STXBP5: variants seen among roughly 807,000 people sequenced by gnomAD.
The protein encoded by STXBP5 is syntaxin binding protein 5.
STXBP5 carries 50 observed loss-of-function variants against 152.4 expected under a neutral mutation model. The observed-to-expected ratio is 0.33, with a 90% CI of 0.26 to 0.42. The LOEUF is 0.42. Among genes scored for constraint, STXBP5 ranks in the 10% least tolerant of loss-of-function variants. The pLI, the probability that STXBP5 is intolerant of heterozygous loss-of-function variation, is 1.00. For missense variants in STXBP5, 1,167 were observed against 1,388.6 expected, an observed-to-expected ratio of 0.84 and a Z score of 2.54; for synonymous variants, 492 against 494.7, an observed-to-expected ratio of 0.99 and a Z score of 0.07.
intron 2 of STXBP5, among the ~76,000 whole-genome samples, chr6:147,224,563 C>T (rs985869353): frequency 6.6e-6 from 1 of 152,176 alleles, no homozygotes; most frequent in Non-Finnish European, 1.5e-5. Flanking sequence ...AACTACAGCA[C>T]AGTTAGATTG....
At chr6:147,242,244 A>T (rs1450671849) in intron 4 of STXBP5, among the ~76,000 whole-genome samples, 1 of 152,052 alleles carries the variant, frequency 6.6e-6, no homozygotes, top group Non-Finnish European at 1.5e-5. Flanking sequence ...TGGAATAAGG[A>T]TATAAAGAAA....
chr6:147,210,745 A>G (rs918466296), intron 2 of STXBP5, among the ~76,000 whole-genome samples: 1 of 152,210 alleles, frequency 6.6e-6, no homozygotes, highest in Admixed American at 6.5e-5. Context: ...TATTGTCACG[A>G]TTAAATCTAA....
chr6:147,219,806 T>TG (rs1232533862), intron 2 of STXBP5, among the ~76,000 whole-genome samples: 6 of 149,396 alleles, frequency 4.0e-5, no homozygotes, highest in Non-Finnish European at 7.4e-5. Flanking sequence ...CTTGTTTTTT[T>TG]TTTTTTTTTT....
chr6:147,355,190 A>G (rs143531282), intron 22 of STXBP5, among the ~76,000 whole-genome samples: 3 of 152,320 alleles, frequency 2.0e-5, no homozygotes, highest in African/African-American at 7.2e-5. Context: ...AATGTCAGCC[A>G]TAGGAGGCAA....
intron 22 of STXBP5, among the ~76,000 whole-genome samples, chr6:147,354,632 A>G (rs1784735925): frequency 6.6e-6 from 1 of 152,160 alleles, no homozygotes; most frequent in Non-Finnish European, 1.5e-5. Context: ...TAGTTTCTTA[A>G]AAATCTGGGT....
intron 8 of STXBP5, among the ~76,000 whole-genome samples, chr6:147,281,266 C>CA (rs1780687060): frequency 6.6e-6 from 1 of 152,196 alleles, no homozygotes; most frequent in Non-Finnish European, 1.5e-5. Context: ...CCATGTTGGC[C>CA]AGGCTGGTCT....
At position 147,364,330 on chromosome 6, in the gene STXBP5, T is replaced by C. The variant is rs116694974; in HGVS notation, c.3081+164T>C. ...CAGAGCACATGCTTTGAGACTCCCATGATTAAAAGTATCATCTTCAGACAT... is the reference window on the plus strand; with the variant it reads ...CAGAGCACATGCTTTGAGACTCCCACGATTAAAAGTATCATCTTCAGACAT... On this transcript the variant is annotated intron_variant, in intron 25 of 27. Transcript: ENST00000321680. Among the ~76,000 whole-genome samples the C allele has an allele frequency of 8.3e-3, 1,263 of 152,330 alleles. 20 individuals are homozygous for C. Among genetic ancestry groups the C allele is most frequent in the African/African-American group, 0.029 (1,214 of 41,574 alleles).
At chr6:147,241,893 AATG>A (rs1778563924) in intron 4 of STXBP5, among the ~76,000 whole-genome samples, 1 of 152,182 alleles carries the variant, frequency 6.6e-6, no homozygotes, top group Admixed American at 6.6e-5. Context: ...AATATTTGAT[AATG>A]ATAACAAATG....
intron 19 of STXBP5, among the ~76,000 whole-genome samples, chr6:147,334,649 A>C (rs543496697): frequency 6.6e-6 from 1 of 152,226 alleles, no homozygotes; most frequent in East Asian, 1.9e-4. Context: ...TGATGAAAAT[A>C]GTTTCTGATA....
intron 3 of STXBP5, among the ~76,000 whole-genome samples, 171 bp from the exon 4 acceptor site, chr6:147,238,999 C>T (rs1778408905): frequency 1.3e-5 from 2 of 152,168 alleles, no homozygotes; most frequent in African/African-American, 4.8e-5. Context: ...AATACACGTA[C>T]ACTTTTTACA....
chr6:147,299,148 T>A (rs1781679044), intron 9 of STXBP5, among the ~76,000 whole-genome samples: 1 of 151,604 alleles, frequency 6.6e-6, no homozygotes, highest in Admixed American at 6.6e-5. Context: ...TGACTCAAAT[T>A]AATAAATTCA....
intron 9 of STXBP5, among the ~76,000 whole-genome samples, chr6:147,295,318 C>T (rs971227720): frequency 2.6e-5 from 4 of 152,088 alleles, no homozygotes; most frequent in Admixed American, 2.0e-4. Flanking sequence ...TTAGTTTTCT[C>T]CAGAAATGAT....
At position 147,390,369 on chromosome 6, in the gene STXBP5, T is replaced by C. The variant is rs1370274090; in HGVS notation, c.*5614T>C. 2.0e-5 allele frequency: 3 copies of C among 152,004 alleles called. No homozygotes were observed. The highest frequency in any genetic ancestry group is 2.4e-5 in the African/African-American group (1 of 41,416). 9.4% of individuals were successfully genotyped at this position (152,004 alleles called of 1,614,324 possible). A position where few individuals can be genotyped will look rare whatever the true frequency, so the allele number is the denominator to read the frequency against. On this transcript the variant is annotated 3_prime_UTR_variant, in exon 28 of 28. Transcript: ENST00000321680. Reference sequence around the variant, plus strand: ...TTTTAAAAAATGTATTATAAATTAATTAATGTTTCTGGAAAATGTTCATAT... The same window carrying C: ...TTTTAAAAAATGTATTATAAATTAACTAATGTTTCTGGAAAATGTTCATAT...
Position 147,310,254 on chromosome 6 carries a change from T to C in STXBP5, c.1072+16T>C. ...TACCCAAATGGTAAGCTTTGCAACT[T>C]TAAAGCTCATTCTCTATAGAGAGCT... On this transcript the variant is annotated intron_variant, in intron 10 of 27. Transcript: ENST00000321680. The C allele has an allele frequency of 1.3e-6, 2 of 1,533,208 alleles. No homozygotes were observed. Among genetic ancestry groups the C allele is most frequent in the Non-Finnish European group, 1.7e-6 (2 of 1,149,740 alleles). 95.0% of individuals were successfully genotyped at this position (1,533,208 alleles called of 1,614,324 possible).
rs758263333 is a variant in STXBP5 at position 147,204,544 on chromosome 6, C to T, written c.12C>T (p.Phe4=). 12 of 1,612,196 alleles carry T rather than the reference C, an allele frequency of 7.4e-6. No individual in the cohort carries two copies. In the South Asian group the frequency reaches 9.9e-5, roughly 13 times the overall value. ...GCCCCTCCGAGACCATGAGGAAATTCAACATCAGGAAGGTGCTGGACGGCC... is the reference window on the plus strand; with the variant it reads ...GCCCCTCCGAGACCATGAGGAAATTTAACATCAGGAAGGTGCTGGACGGCC... MRK[F]NIRKVLDGLT... Residue 4 remains phenylalanine (F), a synonymous_variant, in exon 1 of 28, where the codon TTC becomes TTT. Coordinates refer to ENST00000321680, the MANE Select transcript of STXBP5 (RefSeq NM_001127715.4). This position sits in a 1 kb window ranked among gnomAD's most constrained non-coding sequence, Gnocchi z 4.3.
At position 147,222,041 on chromosome 6, in the gene STXBP5, A is replaced by G. The variant is rs544258716; in HGVS notation, c.249-13209A>G. On this transcript the variant is annotated intron_variant, in intron 2 of 27. Coordinates refer to ENST00000321680, the MANE Select transcript of STXBP5 (RefSeq NM_001127715.4). Reference sequence around the variant, plus strand: ...TTTCCTTAGCTGTGTCCAGACTACTATGGAGTCTGTCAAAGGCATTCTTTA... The same window carrying G: ...TTTCCTTAGCTGTGTCCAGACTACTGTGGAGTCTGTCAAAGGCATTCTTTA... Among the ~76,000 whole-genome samples, 14 of 151,968 alleles carry G rather than the reference A, an allele frequency of 9.2e-5. No individual in the cohort carries two copies. In the East Asian group the frequency reaches 1.2e-3, roughly 13 times the overall value.
At chr6:147,281,422 A>G (rs1780695208) in intron 8 of STXBP5, among the ~76,000 whole-genome samples, 3 of 152,162 alleles carry the variant, frequency 2.0e-5, no homozygotes, top group African/African-American at 4.8e-5. Context: ...CAAGGGTATC[A>G]TCTATTCCAT....
intron 18 of STXBP5, among the ~76,000 whole-genome samples, chr6:147,332,386 A>G (rs537528489): frequency 6.6e-6 from 1 of 152,248 alleles, no homozygotes; most frequent in Non-Finnish European, 1.5e-5. Flanking sequence ...TGAAATATCA[A>G]TGATGGAGTG....
chr6:147,355,903 A>G (rs953639939), intron 22 of STXBP5, among the ~76,000 whole-genome samples: 6 of 152,122 alleles, frequency 3.9e-5, no homozygotes, highest in Non-Finnish European at 8.8e-5. Context: ...ACAGAGACCC[A>G]TAATGCTTAA....
Sources: allele counts gnomAD v4.1 joint callset (sites outside exome capture counted in the v4.1 genomes callset), GRCh38; gene constraint gnomAD v4.1.1; non-coding constraint Gnocchi (gnomAD v3.1); transcripts MANE v1.5; gene names NCBI Gene and HGNC (gene_info 2026-07-23, HGNC 2026-07-21).